Variants in KSR2 observed in about 807,000 individuals in gnomAD.
The protein encoded by KSR2 is kinase suppressor of ras 2.
In KSR2, 25 loss-of-function variants were observed where a neutral mutation model predicts 107.8. The ratio of observed to expected loss-of-function variants is 0.23; its 90% CI spans 0.17 to 0.32. KSR2 has a LOEUF of 0.32. Ranked by LOEUF, KSR2 falls within the 10% of genes least tolerant of loss-of-function variation. The pLI is 1.00. For missense variants in KSR2, 887 were observed against 1,268.9 expected (o/e 0.70, Z 4.57); for synonymous variants, 480 against 507.0 (o/e 0.95, Z 0.71).
intron 7 of KSR2, among the ~76,000 whole-genome samples, chr12:117,574,485 G>A (rs913661455): frequency 1.9e-4 from 29 of 152,106 alleles, no homozygotes; most frequent in Non-Finnish European, 4.1e-4. Context: ...AAACCCAAAG[G>A]CCGCGACAAG....
chr12:117,704,361 T>C (rs1886439134), intron 4 of KSR2, among the ~76,000 whole-genome samples: 1 of 152,114 alleles, frequency 6.6e-6, no homozygotes, highest in South Asian at 2.1e-4. Context: ...AAAATCCAAT[T>C]GCTACTGATC....
At chr12:117,869,005 G>A (rs1379223521) in intron 1 of KSR2, among the ~76,000 whole-genome samples, 2 of 151,852 alleles carry the variant, frequency 1.3e-5, no homozygotes, top group Non-Finnish European at 2.9e-5. Flanking sequence ...CTCCCACCTC[G>A]GCCTCCCAAA....
chr12:117,896,335 A>C (rs1894508215), intron 1 of KSR2, among the ~76,000 whole-genome samples: 7 of 152,190 alleles, frequency 4.6e-5, no homozygotes, highest in Admixed American at 4.6e-4. Context: ...AAATACATGG[A>C]GACAAGAAGT....
intron 1 of KSR2, chr12:117,890,661 C>G (rs1422642458): frequency 6.6e-6 from 1 of 152,162 alleles, no homozygotes. Context: ...TTTGGCAGAT[C>G]CATTTGATTG....
intron 14 of KSR2, among the ~76,000 whole-genome samples, chr12:117,505,885 C>T (rs1873650725): frequency 6.6e-6 from 1 of 152,174 alleles, no homozygotes; most frequent in Non-Finnish European, 1.5e-5. Context: ...CCCATTTCAC[C>T]ACTCAGTCAG....
rs1489054327 is a variant in KSR2 at position 117,485,619 on chromosome 12, C to T, written c.2292G>A (p.Arg764=). The T allele has an allele frequency of 3.7e-6, 6 of 1,613,416 alleles. No individual in the cohort carries two copies. The East Asian group carries it at 1.3e-4, about 36-fold the overall frequency. The change falls in exon 15 of 20, where the codon AGG becomes AGA. Residue 764 remains arginine, a synonymous_variant. Transcript: ENST00000339824. ...AKIVLDVNKT[R]QIAQEIVKGM... ...CCTTCACAATTTCTTGAGCAATCTGCCTGGTTTTGTTGACATCCAAAACGA... is the reference window on the plus strand; with the variant it reads ...CCTTCACAATTTCTTGAGCAATCTGTCTGGTTTTGTTGACATCCAAAACGA...
chr12:117,527,312 CACACACACACACAG>C (rs1565884874), intron 12 of KSR2, among the ~76,000 whole-genome samples, 193 bp from the exon 13 acceptor site: 8 of 87,434 alleles, frequency 9.1e-5, no homozygotes, highest in African/African-American at 3.6e-4. Flanking sequence ...GACACACACA[CACACACACACACAG>C]ACACACACAC....
intron 4 of KSR2, among the ~76,000 whole-genome samples, chr12:117,747,200 A>G (rs1330515616): frequency 1.3e-5 from 2 of 152,240 alleles, no homozygotes; most frequent in African/African-American, 4.8e-5. Flanking sequence ...CATCAATGAT[A>G]GACTGGATAT....
chr12:117,838,569 G>A (rs1892338008), intron 3 of KSR2, among the ~76,000 whole-genome samples: 1 of 152,176 alleles, frequency 6.6e-6, no homozygotes, highest in South Asian at 2.1e-4. Context: ...CCCTCTCTGG[G>A]CGTGTGCCTC....
At chr12:117,926,442 G>C (rs1424725184) in intron 1 of KSR2, among the ~76,000 whole-genome samples, 4 of 152,232 alleles carry the variant, frequency 2.6e-5, no homozygotes, top group Non-Finnish European at 4.4e-5. Context: ...TAGGAAGCTG[G>C]AAGCTGCTGC....
rs1481887308 is a variant in KSR2 at position 117,968,632 on chromosome 12, G to A, written c.-377C>T. 3.6e-6 allele frequency: 1 copy of A among 276,178 alleles called. No individual in the cohort carries two copies. Among genetic ancestry groups the A allele is most frequent in the Non-Finnish European group, 6.1e-6 (1 of 165,152 alleles). 17.1% of individuals were successfully genotyped at this position (276,178 alleles called of 1,614,324 possible). A position where few individuals can be genotyped will look rare whatever the true frequency, so the allele number is the denominator to read the frequency against. On this transcript the variant is annotated 5_prime_UTR_variant, in exon 1 of 20. Coordinates refer to ENST00000339824, the MANE Select transcript of KSR2 (RefSeq NM_173598.6). ...GGAGAAGGAGGAGAGAGAGGAGGAG[G>A]GAGAGGAGGAGGAGGGAGAGGAGGA...
At chr12:117,782,439 A>C (rs1479264241) in intron 3 of KSR2, among the ~76,000 whole-genome samples, 1 of 151,878 alleles carries the variant, frequency 6.6e-6, no homozygotes, top group Non-Finnish European at 1.5e-5. Flanking sequence ...AATCTTTTTT[A>C]TTTTTTGTAG....
chr12:117,720,196 G>A (rs2136685026), intron 4 of KSR2, among the ~76,000 whole-genome samples: 1 of 152,310 alleles, frequency 6.6e-6, no homozygotes, highest in East Asian at 1.9e-4. Context: ...CACAGCCAGG[G>A]GCTGGGTGAG....
rs1360064925 is a variant in KSR2 at position 117,678,909 on chromosome 12, G to A, written c.987-11251C>T. ...TCAAAGAGGGATACTGCCCAAGTGT[G>A]ATGATGGTCACAGCAGACAAGGTCT... is the stretch of plus-strand genomic sequence containing the variant. On this transcript the variant is annotated intron_variant, in intron 4 of 19. Coordinates refer to ENST00000339824, the MANE Select transcript of KSR2 (RefSeq NM_173598.6). 3.3e-5 allele frequency among the ~76,000 whole-genome samples: 5 copies of A among 152,178 alleles called. No individual in the cohort carries two copies. The East Asian group carries it at 9.6e-4, about 29-fold the overall frequency.
chr12:117,471,661 A>G (rs11068506), intron 17 of KSR2, among the ~76,000 whole-genome samples: 23,533 of 152,174 alleles, frequency 0.15, 1,994 homozygotes, highest in African/African-American at 0.22. Context: ...AGCACTATAT[A>G]TAATATTGAA....
chr12:117,949,764 G>A (rs541085186), intron 1 of KSR2, among the ~76,000 whole-genome samples: 29 of 152,304 alleles, frequency 1.9e-4, no homozygotes, highest in African/African-American at 7.0e-4. Context: ...GGTGGAGGGA[G>A]AATTAGCTAC....
intron 4 of KSR2, among the ~76,000 whole-genome samples, chr12:117,741,706 A>G (rs1222885200): frequency 6.6e-6 from 1 of 152,182 alleles, no homozygotes; most frequent in Non-Finnish European, 1.5e-5. Flanking sequence ...TCTTAGAAAA[A>G]TAGTGTTACT....
chr12:117,547,355 A>G (rs760209857), intron 9 of KSR2, among the ~76,000 whole-genome samples: 2 of 152,158 alleles, frequency 1.3e-5, no homozygotes, highest in Non-Finnish European at 2.9e-5. Context: ...CAGGGAGCAG[A>G]CTTGTTAATG....
intron 1 of KSR2, among the ~76,000 whole-genome samples, chr12:117,944,235 G>C (rs1388937535): frequency 6.6e-6 from 1 of 152,198 alleles, no homozygotes; most frequent in Non-Finnish European, 1.5e-5. Flanking sequence ...AATTAGCCAG[G>C]CATGGTGGTG....
Sources: allele counts gnomAD v4.1 joint callset (sites outside exome capture counted in the v4.1 genomes callset), GRCh38; gene constraint gnomAD v4.1.1; transcripts MANE v1.5; gene names NCBI Gene and HGNC (gene_info 2026-07-23, HGNC 2026-07-21).